The following TACR1 variants were observed in gnomAD, a reference collection of about 807,000 sequenced individuals.
TACR1 encodes the protein tachykinin receptor 1.
A neutral mutation model predicts 35.8 loss-of-function variants in TACR1; 25 were observed. That is an observed-to-expected ratio of 0.70 (90% confidence interval 0.51 to 0.98). The LOEUF (loss-of-function observed/expected upper bound fraction) is 0.98, where lower values mean the gene tolerates loss of function less well. Among genes scored for constraint, TACR1 ranks in the 50% least tolerant of loss-of-function variants. The pLI, the probability that TACR1 is intolerant of heterozygous loss-of-function variation, is 0.00. For synonymous variants in TACR1, 195 were observed against 206.7 expected, an observed-to-expected ratio of 0.94 and a Z score of 0.48; for missense variants, 478 against 522.9, an observed-to-expected ratio of 0.91 and a Z score of 0.84.
In TACR1 at chr2:75,067,880, G is replaced by A. The variant is rs960573718; in HGVS notation, c.585-14125C>T. Reference sequence around the variant, plus strand: ...GCCTCTAGGGTCCTTAGGCCATGCTGTCAGGAGCTGGGCCTGCAAAGTGCC... The same window carrying A: ...GCCTCTAGGGTCCTTAGGCCATGCTATCAGGAGCTGGGCCTGCAAAGTGCC... On this transcript the variant is annotated intron_variant, in intron 2 of 4. Coordinates refer to ENST00000305249, the MANE Select transcript of TACR1 (RefSeq NM_001058.4). 2.6e-5 allele frequency among the ~76,000 whole-genome samples: 4 copies of A among 152,320 alleles called. No homozygotes were observed. In the East Asian group the frequency reaches 7.7e-4, roughly 29 times the overall value.
chr2:75,107,643 AATTT>A (rs918766930), intron 2 of TACR1, among the ~76,000 whole-genome samples: 7 of 152,030 alleles, frequency 4.6e-5, no homozygotes, highest in Admixed American at 2.6e-4. Context: ...TCAATAAAAA[AATTT>A]AGGTAGTGGT....
chr2:75,187,798 A>C (rs1675743401), intron 1 of TACR1: 2 of 152,222 alleles, frequency 1.3e-5, no homozygotes, highest in African/African-American at 4.8e-5. Context: ...GAGGGAAACC[A>C]ACAAAAACGA....
In TACR1 at chr2:75,049,718, C is replaced by T. The variant is rs148591370; in HGVS notation, c.938G>A (p.Arg313His). Reference sequence around the variant, plus strand: ...CCGGAAGGCATGCTTGAAGCCCAGACGGAACCTGGAGAGCGAGCAGATGAA... The same window carrying T: ...CCGGAAGGCATGCTTGAAGCCCAGATGGAACCTGGAGAGCGAGCAGATGAA... ...IIYCCLNDRF[R>H]LGFKHAFRCC... is the part of the protein sequence containing the mutation. The change falls in exon 5 of 5, where the codon CGT becomes CAT. Residue 313 changes from arginine to histidine, a missense_variant. Coordinates refer to ENST00000305249, the MANE Select transcript of TACR1 (RefSeq NM_001058.4). 57 of 1,612,394 alleles carry T rather than the reference C, an allele frequency of 3.5e-5. No individual in the cohort carries two copies. Among genetic ancestry groups the T allele is most frequent in the African/African-American group, 6.7e-5 (5 of 75,000 alleles).
At chr2:75,115,045 G>C (rs1441800209) in intron 2 of TACR1, among the ~76,000 whole-genome samples, 2 of 151,696 alleles carry the variant, frequency 1.3e-5, no homozygotes, top group African/African-American at 4.8e-5. Context: ...AGAAACCACT[G>C]AAGTAATAAA....
At position 75,156,660 on chromosome 2, in the gene TACR1, C is replaced by A. The variant is rs546340688; in HGVS notation, c.390-35892G>T. Among the ~76,000 whole-genome samples, 4 of 151,636 alleles carry A rather than the reference C, an allele frequency of 2.6e-5. No individual in the cohort carries two copies. The South Asian group carries it at 6.3e-4, about 24-fold the overall frequency. ...CCAAGAGTGTCTGGAGGCAGCACAGCCCTTCCAACACCTCGATTTTGGACT... is the reference window on the plus strand; with the variant it reads ...CCAAGAGTGTCTGGAGGCAGCACAGACCTTCCAACACCTCGATTTTGGACT... On this transcript the variant is annotated intron_variant, in intron 1 of 4. Coordinates refer to ENST00000305249, the MANE Select transcript of TACR1 (RefSeq NM_001058.4).
intron 1 of TACR1, among the ~76,000 whole-genome samples, chr2:75,129,739 C>G (rs1674142964): frequency 6.6e-6 from 1 of 152,204 alleles, no homozygotes; most frequent in Admixed American, 6.5e-5. Context: ...GCTGCAGTCA[C>G]TCACAAGTAT....
At chr2:75,114,597 A>G (rs1673814069) in intron 2 of TACR1, among the ~76,000 whole-genome samples, 1 of 152,232 alleles carries the variant, frequency 6.6e-6, no homozygotes, top group African/African-American at 2.4e-5. Context: ...TTTTTATAGA[A>G]AAAAGGAAAG....
intron 2 of TACR1, among the ~76,000 whole-genome samples, chr2:75,094,166 T>C (rs1269122830): frequency 6.6e-6 from 1 of 152,152 alleles, no homozygotes; most frequent in African/African-American, 2.4e-5. Context: ...GATTTAATTA[T>C]AGGATGCCAT....
At chr2:75,121,424 G>A (rs1673969624) in intron 1 of TACR1, among the ~76,000 whole-genome samples, 1 of 152,172 alleles carries the variant, frequency 6.6e-6, no homozygotes, top group South Asian at 2.1e-4. Flanking sequence ...AGTGCACAAA[G>A]GACCAGTATG....
At chr2:75,145,261 T>A (rs1198979858) in intron 1 of TACR1, among the ~76,000 whole-genome samples, 2 of 152,140 alleles carry the variant, frequency 1.3e-5, no homozygotes, top group Non-Finnish European at 2.9e-5. Context: ...TGTATATATT[T>A]TATTTAATGG....
intron 1 of TACR1, among the ~76,000 whole-genome samples, chr2:75,179,697 C>CTG (rs1675515315): frequency 1.3e-5 from 2 of 151,940 alleles, no homozygotes; most frequent in Admixed American, 1.3e-4. Flanking sequence ...CAGGTTAAAC[C>CTG]TCCTTGCAAT....
intron 1 of TACR1, among the ~76,000 whole-genome samples, chr2:75,196,636 G>A (rs1302556983): frequency 6.6e-6 from 1 of 152,116 alleles, no homozygotes; most frequent in Non-Finnish European, 1.5e-5. Context: ...CCAATCCACT[G>A]TGCGGACTCT....
At chr2:75,183,141 A>G (rs1481683391) in intron 1 of TACR1, among the ~76,000 whole-genome samples, 1 of 152,220 alleles carries the variant, frequency 6.6e-6, no homozygotes, top group Non-Finnish European at 1.5e-5. Context: ...ACAATAAAGC[A>G]AAGTCATGAT....
intron 1 of TACR1, 76 bp from the exon 2 acceptor site, chr2:75,120,844 C>A: frequency 8.1e-7 from 1 of 1,229,500 alleles, no homozygotes. Flanking sequence ...TTTTTCCTGC[C>A]AATAAGAAAA....
chr2:75,199,260 C>A lies in TACR1; in HGVS notation c.-326G>T. On this transcript the variant is annotated 5_prime_UTR_variant, in exon 1 of 5. Transcript: ENST00000305249. ...TTCCACCGGTCACAGTTCTAGGAAG[C>A]AAGAGATCCCCCGCATTTATGCACC... 2 of 276,276 alleles carry A rather than the reference C, an allele frequency of 7.2e-6. No individual in the cohort carries two copies. The highest frequency in any genetic ancestry group is 1.4e-5 in the Non-Finnish European group (2 of 144,386). The allele number at this position is 276,276 out of a possible 1,614,324, so 17.1% of individuals were successfully genotyped here. A position where few individuals can be genotyped will look rare whatever the true frequency, so the allele number is the denominator to read the frequency against.
At chr2:75,154,302 C>T (rs1396628334) in intron 1 of TACR1, 4 of 152,064 alleles carry the variant, frequency 2.6e-5, no homozygotes, top group African/African-American at 9.7e-5. Context: ...GTCAGAACCT[C>T]CAGACTGAGC....
intron 2 of TACR1, among the ~76,000 whole-genome samples, chr2:75,088,015 C>T (rs932449966): frequency 3.3e-5 from 5 of 152,200 alleles, no homozygotes; most frequent in African/African-American, 1.2e-4. Flanking sequence ...GAACTTCCCT[C>T]ATCTGTAGTC....
At chr2:75,154,916 G>A (rs1389636113) in intron 1 of TACR1, among the ~76,000 whole-genome samples, 2 of 152,142 alleles carry the variant, frequency 1.3e-5, no homozygotes, top group African/African-American at 4.8e-5. Context: ...CCTCAGTCCT[G>A]GGCAGTGAGG....
chr2:75,092,790 C>T (rs1236857783), intron 2 of TACR1, among the ~76,000 whole-genome samples: 2 of 152,132 alleles, frequency 1.3e-5, no homozygotes, highest in Admixed American at 1.3e-4. Context: ...CTTGGAATTG[C>T]CTCACCCAGA....
Sources: allele counts gnomAD v4.1 joint callset (sites outside exome capture counted in the v4.1 genomes callset), GRCh38; gene constraint gnomAD v4.1.1; transcripts MANE v1.5; gene names NCBI Gene and HGNC (gene_info 2026-07-23, HGNC 2026-07-21).